The following MTMR7 variants were observed in gnomAD, a reference collection of about 807,000 sequenced individuals.
MTMR7 encodes phosphatidylinositol-3-phosphate phosphatase MTMR7.
MTMR7 carries 76 observed loss-of-function variants against 81.2 expected under a neutral mutation model. The observed-to-expected ratio is 0.94, with a 90% confidence interval of 0.78 to 1.13. MTMR7 has a LOEUF of 1.13. Ranked by LOEUF, MTMR7 falls within the 50% of genes most tolerant of loss-of-function variation. The pLI is 0.00. For missense variants in MTMR7, 1,044 were observed against 820.0 expected, an observed-to-expected ratio of 1.27 and a Z score of -3.34; for synonymous variants, 372 against 289.8, an observed-to-expected ratio of 1.28 and a Z score of -2.88.
At chr8:17,335,215 G>A (rs890749497) in intron 6 of MTMR7, among the ~76,000 whole-genome samples, 2 of 152,166 alleles carry the variant, frequency 1.3e-5, no homozygotes, top group Non-Finnish European at 2.9e-5. Context: ...GACGGAGAAC[G>A]CAGGCTCCAC....
intron 2 of MTMR7, among the ~76,000 whole-genome samples, chr8:17,371,472 G>C (rs1820417522): frequency 6.6e-6 from 1 of 152,168 alleles, no homozygotes; most frequent in South Asian, 2.1e-4. Flanking sequence ...ACAAGTCCAG[G>C]TATGGAAACA....
At chr8:17,391,918 G>A (rs1459474575) in intron 1 of MTMR7, among the ~76,000 whole-genome samples, 1 of 152,188 alleles carries the variant, frequency 6.6e-6, no homozygotes, top group Non-Finnish European at 1.5e-5. Context: ...GTCCTGGGAA[G>A]TACTTTTACT....
chr8:17,303,283 A>G (rs1253613457), intron 12 of MTMR7, among the ~76,000 whole-genome samples: 1 of 152,188 alleles, frequency 6.6e-6, no homozygotes, highest in Non-Finnish European at 1.5e-5. Flanking sequence ...TACATGCACT[A>G]TGGAGGCTTT....
chr8:17,299,872 A>G lies in MTMR7; in HGVS notation c.1973T>C (p.Leu658Pro). 1 of 1,614,030 alleles carries G rather than the reference A, an allele frequency of 6.2e-7. No individual in the cohort carries two copies. The change falls in exon 14 of 14, where the codon CTC (leucine) becomes CCC (proline). Residue 658 changes from leucine to proline, a missense_variant. Leu to Pro is a moderately conservative substitution (Grantham distance 98, BLOSUM62 -3). Transcript: ENST00000180173. ...KDRDSDEAVF[L>P]TA The stretch of plus-strand genomic sequence containing the variant: ...CTCCAAAGGGAAACTTCAGGCAGTG[A>G]GAAACACGGCTTCATCAGAATCCCG...
intron 1 of MTMR7, among the ~76,000 whole-genome samples, chr8:17,392,538 C>G (rs1190832623): frequency 6.6e-6 from 1 of 152,264 alleles, no homozygotes; most frequent in African/African-American, 2.4e-5. Context: ...TCCATACTTT[C>G]ATTCCAAAAA....
intron 12 of MTMR7, among the ~76,000 whole-genome samples, chr8:17,304,038 A>G (rs1196975816): frequency 2.6e-5 from 4 of 152,238 alleles, no homozygotes; most frequent in African/African-American, 9.6e-5. Context: ...TTAACACGTC[A>G]TGATCACTGT....
At chr8:17,407,644 C>T (rs542655554) in intron 1 of MTMR7, among the ~76,000 whole-genome samples, 32 of 151,130 alleles carry the variant, frequency 2.1e-4, no homozygotes, top group African/African-American at 7.5e-4. Context: ...GTTTTGAACA[C>T]TGAAATATGG....
intron 6 of MTMR7, among the ~76,000 whole-genome samples, chr8:17,333,873 A>G (rs531925486): frequency 6.8e-4 from 104 of 152,220 alleles, no homozygotes; most frequent in Non-Finnish European, 1.3e-3. Context: ...TCCTTCACCC[A>G]CAAGGGACAG....
chr8:17,408,880 C>G (rs1196526347), intron 1 of MTMR7, among the ~76,000 whole-genome samples: 2 of 152,074 alleles, frequency 1.3e-5, no homozygotes, highest in Non-Finnish European at 2.9e-5. Context: ...CAAAAGTGTT[C>G]TAGAACCAGA....
At chr8:17,349,246 G>T in intron 4 of MTMR7, 165 bp from the exon 5 acceptor site, 2 of 702,014 alleles carry the variant, frequency 2.8e-6, no homozygotes, top group African/African-American at 1.8e-5. Context: ...TCAGAGGAAG[G>T]AAGTGCCGCT....
intron 1 of MTMR7, among the ~76,000 whole-genome samples, chr8:17,382,046 C>G (rs1820776966): frequency 6.6e-6 from 1 of 152,168 alleles, no homozygotes; most frequent in African/African-American, 2.4e-5. Flanking sequence ...TACGAGGATA[C>G]AAAATGGCAA....
intron 1 of MTMR7, among the ~76,000 whole-genome samples, chr8:17,393,746 G>A (rs1024789703): frequency 6.6e-6 from 1 of 152,146 alleles, no homozygotes; most frequent in Non-Finnish European, 1.5e-5. Flanking sequence ...GCTAATGGAT[G>A]CTGGACTTCA....
rs781690021 is a variant in MTMR7, at chr8:17,373,212, A to C, written c.53T>G (p.Val18Gly). Residue 18 changes from valine to glycine, a missense_variant, in exon 2 of 14, where the codon GTG (valine) becomes GGG (glycine). Transcript: ENST00000180173. ...KVENVRLVDR[V>G]SPKKAALGTL... ...ACCTAGAGCTGCTTTTTTAGGAGAC[A>C]CTCGATCTACCAAGCGGACATTTTC... 1.9e-6 allele frequency: 3 copies of C among 1,613,412 alleles called. No individual in the cohort carries two copies. Among genetic ancestry groups the C allele is most frequent in the South Asian group, 2.2e-5 (2 of 90,982 alleles).
intron 4 of MTMR7, among the ~76,000 whole-genome samples, chr8:17,357,338 CAT>C (rs1446983854): frequency 6.6e-6 from 1 of 152,204 alleles, no homozygotes; most frequent in African/African-American, 2.4e-5. Flanking sequence ...TAACTATATA[CAT>C]GTTTCTTAAA....
intron 1 of MTMR7, among the ~76,000 whole-genome samples, chr8:17,401,739 C>T (rs1319683851): frequency 5.3e-5 from 8 of 151,912 alleles, no homozygotes; most frequent in African/African-American, 1.9e-4. Context: ...GTTATTGGCT[C>T]CAGCACTGGA....
intron 7 of MTMR7, among the ~76,000 whole-genome samples, chr8:17,313,820 G>GCA (rs1159756178): frequency 3.3e-5 from 5 of 152,112 alleles, no homozygotes; most frequent in Non-Finnish European, 7.4e-5. Flanking sequence ...AGAAGTTTCT[G>GCA]TCACCCAACC....
At position 17,299,060 on chromosome 8, in the gene MTMR7, G is replaced by A. The variant is rs879840403; in HGVS notation, c.*802C>T. 1 of 152,200 alleles carries A rather than the reference G, an allele frequency of 6.6e-6. No individual in the cohort carries two copies. Among genetic ancestry groups the A allele is most frequent in the Non-Finnish European group, 1.5e-5 (1 of 68,040 alleles). 9.4% of individuals were successfully genotyped at this position (152,200 alleles called of 1,614,324 possible). A position where few individuals can be genotyped will look rare whatever the true frequency, so the allele number is the denominator to read the frequency against. On this transcript the variant is annotated 3_prime_UTR_variant, in exon 14 of 14. Coordinates refer to ENST00000180173, the MANE Select transcript of MTMR7 (RefSeq NM_004686.5). ...ATCAGGCTGGTGGCTGGCCCACACT[G>A]TCGGTAGTGTAGTCTCTAGAACAGT...
chr8:17,346,643 C>T (rs1819559621), intron 5 of MTMR7, among the ~76,000 whole-genome samples: 1 of 147,704 alleles, frequency 6.8e-6, no homozygotes, highest in East Asian at 1.9e-4. Context: ...TAAAATGTCC[C>T]TTGTCTCAAG....
chr8:17,364,964 AT>A (rs541737604), intron 3 of MTMR7, among the ~76,000 whole-genome samples: 136 of 152,254 alleles, frequency 8.9e-4, no homozygotes, highest in African/African-American at 3.1e-3. Flanking sequence ...CGATAATTCT[AT>A]TTTTTGTTTG....
Sources: gnomAD v4.1 joint callset for allele counts (sites outside exome capture counted in the v4.1 genomes callset) on GRCh38, gnomAD v4.1.1 for gene constraint, MANE v1.5 for transcripts, NCBI Gene and HGNC (gene_info 2026-07-23, HGNC 2026-07-21) for gene names.